Variants in R3HDM1 observed in about 807,000 individuals in gnomAD.
The protein encoded by R3HDM1 is R3H domain-containing protein 1.
In R3HDM1, 46 loss-of-function variants were observed where a neutral mutation model predicts 141.1. The observed-to-expected ratio is 0.33, with a 90% CI of 0.26 to 0.42. The LOEUF is 0.42. Among genes scored for constraint, R3HDM1 ranks in the 10% least tolerant of loss-of-function variants. The pLI is 1.00. For missense variants in R3HDM1, 1,184 were observed against 1,368.3 expected, an observed-to-expected ratio of 0.87 and a Z score of 2.12; for synonymous variants, 435 against 472.9, an observed-to-expected ratio of 0.92 and a Z score of 1.04.
intron 19 of R3HDM1, among the ~76,000 whole-genome samples, chr2:135,662,439 A>G (rs7575493): frequency 0.069 from 10,479 of 152,304 alleles, 714 homozygotes; most frequent in African/African-American, 0.18. Context: ...GATATAGTTC[A>G]TGCTTAGCAT....
chr2:135,664,564 T>G lies in R3HDM1; in HGVS notation c.2152+3171T>G, dbSNP rs17652559. ...GGGTATGGGCAGTAGAAATACAGGATCTTTCATTATTTTTCCTTTGGTGGA... is the reference window on the plus strand; with the variant it reads ...GGGTATGGGCAGTAGAAATACAGGAGCTTTCATTATTTTTCCTTTGGTGGA... On this transcript the variant is annotated intron_variant, in intron 19 of 26. Coordinates refer to ENST00000683871, the MANE Select transcript of R3HDM1 (RefSeq NM_001378107.1). Among the ~76,000 whole-genome samples, 937 of 152,318 alleles carry G rather than the reference T, an allele frequency of 6.2e-3. 9 individuals are homozygous for G. The highest frequency in any genetic ancestry group is 0.041 in the South Asian group (198 of 4,830).
rs79525063 is a variant in R3HDM1 at position 135,549,578 on chromosome 2, A to C, written c.-250+17945A>C. 3.4e-5 allele frequency among the ~76,000 whole-genome samples: 5 copies of C among 145,764 alleles called. No homozygotes were observed. The East Asian group carries it at 8.6e-4, about 25-fold the overall frequency. On this transcript the variant is annotated intron_variant, in intron 1 of 26. Transcript: ENST00000683871. ...CTCTGCCTCAAAAAAAAAAAAAAAA[A>C]AAACAAAAACAAAATGGGGTCTTGC...
chr2:135,650,222 C>G (rs367731420), intron 17 of R3HDM1: 1 of 979,560 alleles, frequency 1.0e-6, no homozygotes, highest in East Asian at 1.1e-4. Flanking sequence ...CCTTTTCCTG[C>G]TTTTTCATAA....
At chr2:135,708,379 C>T (rs1483850680) in intron 21 of R3HDM1, among the ~76,000 whole-genome samples, 2 of 152,164 alleles carry the variant, frequency 1.3e-5, no homozygotes, top group Non-Finnish European at 2.9e-5. Flanking sequence ...TGTCATTTAA[C>T]ATGTCTTCCT....
At chr2:135,655,522 T>G (rs1045325225) in intron 18 of R3HDM1, among the ~76,000 whole-genome samples, 116 of 151,366 alleles carry the variant, frequency 7.7e-4, no homozygotes, top group African/African-American at 2.5e-3. Context: ...TGTTGTTGTT[T>G]TTGAGATGGA....
chr2:135,695,770 CAG>C (rs751276834), intron 21 of R3HDM1, among the ~76,000 whole-genome samples: 1 of 152,114 alleles, frequency 6.6e-6, no homozygotes, highest in African/African-American at 2.4e-5. Flanking sequence ...TTTTCAGAAA[CAG>C]AGATTTCAAA....
intron 24 of R3HDM1, among the ~76,000 whole-genome samples, chr2:135,716,268 C>T (rs970070172): frequency 6.6e-6 from 1 of 152,134 alleles, no homozygotes; most frequent in Admixed American, 6.5e-5. Context: ...CCACTGCATT[C>T]CAGCATGGAC....
At chr2:135,611,912 A>T (rs1358659547) in intron 3 of R3HDM1, among the ~76,000 whole-genome samples, 1 of 152,202 alleles carries the variant, frequency 6.6e-6, no homozygotes, top group Non-Finnish European at 1.5e-5. Context: ...GATAATTTTC[A>T]TGTACATCAC....
intron 3 of R3HDM1, among the ~76,000 whole-genome samples, chr2:135,615,699 C>G (rs946716939): frequency 6.6e-6 from 1 of 152,178 alleles, no homozygotes; most frequent in East Asian, 1.9e-4. Context: ...TGGTTGGACT[C>G]TGACTTACTG....
At chr2:135,682,255 A>AT (rs565751689) in intron 21 of R3HDM1, among the ~76,000 whole-genome samples, 1 of 152,036 alleles carries the variant, frequency 6.6e-6, no homozygotes, top group Non-Finnish European at 1.5e-5. Context: ...AGAGATGGGT[A>AT]TTAAGTTACC....
intron 1 of R3HDM1, among the ~76,000 whole-genome samples, chr2:135,582,023 T>G (rs1706921806): frequency 6.6e-6 from 1 of 152,220 alleles, no homozygotes; most frequent in Non-Finnish European, 1.5e-5. Context: ...ATCTCTTGAT[T>G]TATTCCCTCC....
intron 20 of R3HDM1, among the ~76,000 whole-genome samples, chr2:135,676,860 A>C (rs2069265454): frequency 6.6e-6 from 1 of 152,166 alleles, no homozygotes; most frequent in Non-Finnish European, 1.5e-5. Flanking sequence ...CAACAAGGAG[A>C]GAATAGCCTA....
intron 1 of R3HDM1, among the ~76,000 whole-genome samples, chr2:135,543,756 A>G (rs1698114236): frequency 6.6e-6 from 1 of 152,258 alleles, no homozygotes; most frequent in Non-Finnish European, 1.5e-5. Context: ...GGCTGGGTTC[A>G]CATACCTGCT....
chr2:135,620,579 A>G (rs929479944), intron 5 of R3HDM1: 9 of 981,786 alleles, frequency 9.2e-6, no homozygotes, highest in East Asian at 1.1e-4. Context: ...TAGCAGTCCT[A>G]TTGGGGTAAA....
At chr2:135,598,531 C>T (rs533985348) in intron 1 of R3HDM1, among the ~76,000 whole-genome samples, 8 of 152,182 alleles carry the variant, frequency 5.3e-5, no homozygotes, top group African/African-American at 1.9e-4. Context: ...TACAGTATTG[C>T]GGGTAAGAGC....
rs1284526963 is a variant in R3HDM1, at chr2:135,531,569, C to T, written c.-314C>T. On this transcript the variant is annotated 5_prime_UTR_variant, in exon 1 of 27. Coordinates refer to ENST00000683871, the MANE Select transcript of R3HDM1 (RefSeq NM_001378107.1). The stretch of plus-strand genomic sequence containing the variant: ...CTTTCGTAAGACTCTTACTTGCACC[C>T]ACCCAGCCCCGCCGTCGCCCCGCCG... The T allele has an allele frequency of 3.0e-6, 3 of 986,344 alleles. No homozygotes were observed. In the African/African-American group the frequency reaches 5.2e-5, roughly 17 times the overall value. The allele number at this position is 986,344 out of a possible 1,614,324, so 61.1% of individuals were successfully genotyped here.
At chr2:135,567,903 CTT>C (rs562748072) in intron 1 of R3HDM1, among the ~76,000 whole-genome samples, 2 of 73,790 alleles carry the variant, frequency 2.7e-5, no homozygotes, top group South Asian at 4.4e-4. Context: ...CCACACCTGG[CTT>C]TTTTTTTTTT....
chr2:135,634,903 A>G (rs1448934299), intron 9 of R3HDM1, among the ~76,000 whole-genome samples: 1 of 152,226 alleles, frequency 6.6e-6, no homozygotes, highest in Non-Finnish European at 1.5e-5. Flanking sequence ...TATTGATTCA[A>G]TTAATTTGTT....
chr2:135,604,991 G>A lies in R3HDM1; in HGVS notation c.146G>A (p.Cys49Tyr). 3 of 1,607,422 alleles carry A rather than the reference G, an allele frequency of 1.9e-6. No individual in the cohort carries two copies. In the South Asian group the frequency reaches 3.3e-5, roughly 18 times the overall value. Residue 49 changes from cysteine (C) to tyrosine (Y), a missense_variant, in exon 3 of 27, where the codon TGT becomes TAT. Coordinates refer to ENST00000683871, the MANE Select transcript of R3HDM1 (RefSeq NM_001378107.1). ...GKILVEKNEH[C>Y]IENNIDLQRP... is the part of the protein sequence containing the mutation. The stretch of plus-strand genomic sequence containing the variant: ...ATTTTGGTAGAGAAGAATGAACATT[G>A]TATTGAGAACAATATAGATTTGCAG...
Sources: gnomAD v4.1 joint callset for allele counts (sites outside exome capture counted in the v4.1 genomes callset) on GRCh38, gnomAD v4.1.1 for gene constraint, MANE v1.5 for transcripts, NCBI Gene and HGNC (gene_info 2026-07-23, HGNC 2026-07-21) for gene names.